The following CRADD variants were observed in gnomAD, a reference collection of about 807,000 sequenced individuals.
The protein encoded by CRADD is death domain-containing protein CRADD.
CRADD carries 9 observed loss-of-function variants against 15.5 expected under a neutral mutation model. The observed-to-expected ratio is 0.58, with a 90% CI of 0.35 to 1.01. CRADD has a LOEUF of 1.01. Ranked by LOEUF, CRADD falls within the 50% of genes least tolerant of loss-of-function variation. The probability of loss-of-function intolerance (pLI) is 0.02; values close to 1 mark genes in which losing one functional copy is unlikely to be tolerated. For missense variants in CRADD, 227 were observed against 250.3 expected (o/e 0.91, Z 0.63); for synonymous variants, 118 against 107.6 (o/e 1.10, Z -0.60).
At chr12:93,862,700 T>A (rs1237292388) in intron 2 of CRADD, among the ~76,000 whole-genome samples, 1 of 152,216 alleles carries the variant, frequency 6.6e-6, no homozygotes, top group Non-Finnish European at 1.5e-5. Flanking sequence ...TCAACACTTT[T>A]AAAGTGCCAG....
chr12:93,793,866 TGCTCTTGTTCACAGCAGA>T (rs1957380104), intron 2 of CRADD, among the ~76,000 whole-genome samples: 3 of 152,212 alleles, frequency 2.0e-5, no homozygotes, highest in Non-Finnish European at 4.4e-5. Context: ...TTCATTTCTC[TGCTCTTGTTCACAGCAGA>T]GCTTCTAAAA....
intron 2 of CRADD, among the ~76,000 whole-genome samples, chr12:93,758,444 T>C (rs1272516211): frequency 1.3e-5 from 2 of 152,128 alleles, no homozygotes; most frequent in Non-Finnish European, 2.9e-5. Flanking sequence ...ATATAACTTA[T>C]TTTATTAATG....
chr12:93,825,435 C>T (rs896122139), intron 2 of CRADD, among the ~76,000 whole-genome samples: 3 of 152,142 alleles, frequency 2.0e-5, no homozygotes, highest in Admixed American at 1.3e-4. Context: ...TATCTTGTGG[C>T]GATGGCTTTA....
chr12:93,771,509 G>A (rs749322217), intron 2 of CRADD, among the ~76,000 whole-genome samples: 6 of 151,954 alleles, frequency 3.9e-5, no homozygotes, highest in South Asian at 4.2e-4. Context: ...CCCTTGTCAC[G>A]TGTATTTACA....
intron 2 of CRADD, among the ~76,000 whole-genome samples, chr12:93,874,290 T>G (rs1194121724): frequency 1.3e-5 from 2 of 152,066 alleles, no homozygotes; most frequent in Non-Finnish European, 2.9e-5. Context: ...AGTTGTCATG[T>G]CTCCTTTTTC....
At chr12:93,884,539 G>T (rs970542458) in intron 2 of CRADD, among the ~76,000 whole-genome samples, 1 of 152,082 alleles carries the variant, frequency 6.6e-6, no homozygotes, top group Admixed American at 6.5e-5. Flanking sequence ...GTGGGGCCTC[G>T]GGAAGTTCAC....
At chr12:93,818,862 C>A (rs1162696449) in intron 2 of CRADD, among the ~76,000 whole-genome samples, 4 of 152,194 alleles carry the variant, frequency 2.6e-5, no homozygotes, top group African/African-American at 9.7e-5. Context: ...CGGCCTGGCC[C>A]CACAGCATTC....
chr12:93,691,991 A>G (rs919545785), intron 2 of CRADD, among the ~76,000 whole-genome samples: 3 of 152,196 alleles, frequency 2.0e-5, no homozygotes, highest in African/African-American at 7.2e-5. Flanking sequence ...CATGGCACAC[A>G]TTTACCTATG....
intron 2 of CRADD, among the ~76,000 whole-genome samples, chr12:93,806,506 T>TGGTC (rs1157399320): frequency 6.8e-6 from 1 of 147,912 alleles, no homozygotes; most frequent in East Asian, 2.0e-4. Flanking sequence ...GACTGACACG[T>TGGTC]GGTCAGTCTT....
rs1555231623 is a variant in CRADD at position 93,886,162 on chromosome 12, C to CATTTT, written c.299-7888_299-7887insATTTT. Reference sequence around the variant, plus strand: ...ATGGACATGCCTCTAGCTGCTGATGCTTTTTTTTTTTTTTTTTTTTGAGAC... The same window carrying CATTTT: ...ATGGACATGCCTCTAGCTGCTGATGCATTTTTTTTTTTTTTTTTTTTTTTTGAGAC... On this transcript the variant is annotated intron_variant, in intron 2 of 2. Coordinates refer to the CRADD transcript ENST00000548483. 3.2e-4 allele frequency among the ~76,000 whole-genome samples: 40 copies of CATTTT among 123,946 alleles called. 2 individuals are homozygous for CATTTT. The highest frequency in any genetic ancestry group is 7.6e-4 in the Admixed American group (9 of 11,790). 81.3% of individuals were successfully genotyped at this position (123,946 alleles called of 152,430 possible). A position where few individuals can be genotyped will look rare whatever the true frequency, so the allele number is the denominator to read the frequency against.
intron 2 of CRADD, among the ~76,000 whole-genome samples, chr12:93,803,432 C>A (rs1489493726): frequency 6.6e-6 from 1 of 152,092 alleles, no homozygotes; most frequent in Non-Finnish European, 1.5e-5. Context: ...ATTCACCTGC[C>A]AAGTATTGTT....
At chr12:93,728,371 A>G (rs1359007597) in intron 2 of CRADD, among the ~76,000 whole-genome samples, 1 of 152,252 alleles carries the variant, frequency 6.6e-6, no homozygotes, top group African/African-American at 2.4e-5. Context: ...AAACTTAACT[A>G]AGGCACATAA....
chr12:93,871,877 G>A (rs1958423283), intron 2 of CRADD, among the ~76,000 whole-genome samples: 1 of 152,206 alleles, frequency 6.6e-6, no homozygotes, highest in Non-Finnish European at 1.5e-5. Context: ...AAACATAGGA[G>A]TGCAGATATC....
intron 2 of CRADD, among the ~76,000 whole-genome samples, chr12:93,882,861 T>C (rs1958512626): frequency 6.6e-6 from 1 of 152,206 alleles, no homozygotes; most frequent in Non-Finnish European, 1.5e-5. Flanking sequence ...AAGATGGAAC[T>C]GGCCTTTGTG....
chr12:93,702,685 T>C (rs938404382), intron 2 of CRADD, among the ~76,000 whole-genome samples: 1 of 151,942 alleles, frequency 6.6e-6, no homozygotes, highest in Non-Finnish European at 1.5e-5. Flanking sequence ...GGCTCCAGGC[T>C]TCTTAGAACA....
intron 2 of CRADD, among the ~76,000 whole-genome samples, chr12:93,709,575 C>G (rs1197792379): frequency 6.6e-6 from 1 of 152,214 alleles, no homozygotes; most frequent in Non-Finnish European, 1.5e-5. Context: ...TATCCATATT[C>G]CCACAAAAGA....
At chr12:93,892,375 C>CCACAGG (rs1958582111) in intron 2 of CRADD, among the ~76,000 whole-genome samples, 1 of 152,160 alleles carries the variant, frequency 6.6e-6, no homozygotes, top group African/African-American at 2.4e-5. Flanking sequence ...AAATTTTGCA[C>CCACAGG]CACAGGCAGT....
At chr12:93,877,549 C>T (rs1958465908) in intron 2 of CRADD, among the ~76,000 whole-genome samples, 1 of 152,216 alleles carries the variant, frequency 6.6e-6, no homozygotes, top group African/African-American at 2.4e-5. Flanking sequence ...CCACAAGGTG[C>T]AGATCAGTGC....
At chr12:93,715,680 A>G (rs568237931) in intron 2 of CRADD, among the ~76,000 whole-genome samples, 3 of 152,236 alleles carry the variant, frequency 2.0e-5, no homozygotes, top group Admixed American at 6.5e-5. Context: ...ATTTAGAGCT[A>G]TATTTAATGG....
Sources: gnomAD v4.1 joint callset for allele counts (sites outside exome capture counted in the v4.1 genomes callset) on GRCh38, gnomAD v4.1.1 for gene constraint, MANE v1.5 for transcripts, NCBI Gene and HGNC (gene_info 2026-07-23, HGNC 2026-07-21) for gene names.